DNM2: variants seen among roughly 807,000 people sequenced by gnomAD.
DNM2 encodes the protein dynamin 2.
DNM2 carries 15 observed loss-of-function variants against 99.0 expected under a neutral mutation model. The observed-to-expected ratio is 0.15, with a 90% CI of 0.10 to 0.23. The LOEUF (loss-of-function observed/expected upper bound fraction) is 0.23. Among genes scored for constraint, DNM2 ranks in the 10% least tolerant of loss-of-function variants. The pLI, the probability that DNM2 is intolerant of heterozygous loss-of-function variation, is 1.00. For synonymous variants in DNM2, 525 were observed against 481.2 expected (o/e 1.09, Z -1.19); for missense variants, 742 against 1,189.4 (o/e 0.62, Z 5.53).
chr19:10,780,577 GC>G (rs2071335505), intron 5 of DNM2, among the ~76,000 whole-genome samples: 1 of 152,132 alleles, frequency 6.6e-6, no homozygotes, highest in South Asian at 2.1e-4. Flanking sequence ...GGCTTCAGAA[GC>G]CCTCCCACTG....
rs1012866507 is a variant in DNM2, at chr19:10,822,686, A to G, written c.1782-1102A>G. ...GCTAATTTTTTGTATTTTAGTATTG[A>G]CGGGGTTTCACCATGTTGGCCAGGC... On this transcript the variant is annotated intron_variant, in intron 16 of 20. Coordinates refer to ENST00000389253, the MANE Select transcript of DNM2 (RefSeq NM_001005361.3). Among the ~76,000 whole-genome samples the G allele has an allele frequency of 3.3e-5, 5 of 150,922 alleles. No homozygotes were observed. In the East Asian group the frequency reaches 1.0e-3, roughly 30 times the overall value.
intron 12 of DNM2, chr19:10,802,647 G>A: frequency 2.1e-6 from 1 of 487,070 alleles, no homozygotes; most frequent in Non-Finnish European, 3.8e-6. Flanking sequence ...GCCAGCTGCT[G>A]CACCCCCTCT....
At chr19:10,819,839 G>A (rs2072914681) in intron 15 of DNM2, 141 bp from the exon 16 acceptor site, 8 of 775,352 alleles carry the variant, frequency 1.0e-5, no homozygotes, top group Admixed American at 3.7e-5. Flanking sequence ...GGGAAGGGCC[G>A]GCAGATGGGC....
intron 15 of DNM2, among the ~76,000 whole-genome samples, chr19:10,814,270 G>A (rs1180583569): frequency 6.6e-6 from 1 of 152,154 alleles, no homozygotes; most frequent in Non-Finnish European, 1.5e-5. Context: ...TTCGAGACCA[G>A]CCTGACCAAC....
intron 1 of DNM2, among the ~76,000 whole-genome samples, chr19:10,745,646 A>G (rs2069939700): frequency 6.6e-6 from 1 of 152,208 alleles, no homozygotes. Context: ...GCAGTCAGCT[A>G]TGATTGCATC....
Position 10,729,699 on chromosome 19 carries a change from A to G in DNM2, c.161+11296A>G, listed in dbSNP as rs191706262. Among the ~76,000 whole-genome samples, 131 of 152,036 alleles carry G rather than the reference A, an allele frequency of 8.6e-4. 2 individuals are homozygous for G. Among genetic ancestry groups the G allele is most frequent in the Non-Finnish European group, 2.6e-4 (18 of 67,974 alleles). On this transcript the variant is annotated intron_variant, in intron 1 of 20. Coordinates refer to ENST00000389253, the MANE Select transcript of DNM2 (RefSeq NM_001005361.3). ...AGACAGTGTTCTTGGAAAAAGGGAA[A>G]CCATTACAGATGAGGAAGAGCACAC...
At chr19:10,743,250 C>A (rs1192280566) in intron 1 of DNM2, among the ~76,000 whole-genome samples, 2 of 152,020 alleles carry the variant, frequency 1.3e-5, no homozygotes, top group Admixed American at 1.3e-4. Flanking sequence ...TTGCTGAACA[C>A]CTGCTGTGTG....
chr19:10,819,706 G>A (rs2072907696), intron 15 of DNM2, among the ~76,000 whole-genome samples: 1 of 152,170 alleles, frequency 6.6e-6, no homozygotes, highest in Non-Finnish European at 1.5e-5. Context: ...GGGCAGGAGG[G>A]AGCCATGCAA....
At chr19:10,778,729 T>A (rs1414602116) in intron 5 of DNM2, among the ~76,000 whole-genome samples, 1 of 152,028 alleles carries the variant, frequency 6.6e-6, no homozygotes, top group Non-Finnish European at 1.5e-5. Flanking sequence ...TTCAAATACT[T>A]CCCCTTGCCA....
chr19:10,732,824 T>G (rs1020271295), intron 1 of DNM2, among the ~76,000 whole-genome samples: 11 of 152,022 alleles, frequency 7.2e-5, no homozygotes, highest in African/African-American at 2.4e-4. Context: ...AGAATGTGAC[T>G]GTCTTGCACC....
chr19:10,806,722 G>A (rs1438279091), intron 13 of DNM2, among the ~76,000 whole-genome samples: 5 of 152,190 alleles, frequency 3.3e-5, no homozygotes, highest in Admixed American at 3.3e-4. Flanking sequence ...GAACCTTGGA[G>A]GCGGAGGTTG....
Position 10,718,546 on chromosome 19 carries a change from G to A in DNM2, c.161+143G>A, listed in dbSNP as rs1298237250. On this transcript the variant is annotated intron_variant, in intron 1 of 20. Transcript: ENST00000389253. ...GAACCGGACGGGGTCGGGGAGGCGG[G>A]CCCTGTGGGACGCCCTGGGCAGAGG... 8.5e-6 allele frequency: 10 copies of A among 1,179,738 alleles called. No homozygotes were observed. The South Asian group carries it at 1.7e-4, about 20-fold the overall frequency. The allele number at this position is 1,179,738 out of a possible 1,614,324, so 73.1% of individuals were successfully genotyped here.
At chr19:10,745,390 T>G (rs1480668114) in intron 1 of DNM2, among the ~76,000 whole-genome samples, 5 of 152,202 alleles carry the variant, frequency 3.3e-5, no homozygotes, top group Admixed American at 3.3e-4. Flanking sequence ...GAAAGGGCGC[T>G]TAAGACCCCT....
Position 10,799,063 on chromosome 19 carries a change from G to A in DNM2, c.1422+491G>A, listed in dbSNP as rs139049707. ...CAACATAGCAAGACCTTGTCTCTAC[G>A]AAAACATAAAAAAATTAGCCAGGCG... On this transcript the variant is annotated intron_variant, in intron 11 of 20. Coordinates refer to ENST00000389253, the MANE Select transcript of DNM2 (RefSeq NM_001005361.3). 4.4e-4 allele frequency among the ~76,000 whole-genome samples: 67 copies of A among 152,190 alleles called. 2 individuals are homozygous for A. The East Asian group carries it at 0.012, about 27-fold the overall frequency.
At chr19:10,826,157 C>A (rs1490643514) in intron 18 of DNM2, among the ~76,000 whole-genome samples, 1 of 152,186 alleles carries the variant, frequency 6.6e-6, no homozygotes, top group Non-Finnish European at 1.5e-5. Flanking sequence ...CCCATCAAGT[C>A]CACTAACTGG....
intron 19 of DNM2, 84 bp downstream of exon 19, chr19:10,829,352 G>A: frequency 2.6e-6 from 4 of 1,520,994 alleles, no homozygotes; most frequent in Non-Finnish European, 3.6e-6. Flanking sequence ...GTCCTGGCAG[G>A]AAACAGGACA....
intron 11 of DNM2, 54 bp from the exon 12 acceptor site, chr19:10,802,234 C>T (rs2072176691): frequency 5.7e-6 from 9 of 1,581,586 alleles, no homozygotes; most frequent in Non-Finnish European, 6.1e-6. Context: ...CTTGCCGCTG[C>T]CCCCCCTTGC....
At chr19:10,809,278 C>G (rs544305505) in intron 14 of DNM2, 1 of 152,428 alleles carries the variant, frequency 6.6e-6, no homozygotes, top group South Asian at 2.1e-4. Context: ...TAGATGCTGC[C>G]TCTTGTCCTC....
rs1034473383 is a variant in DNM2, at chr19:10,816,113, G to A, written c.1671+3736G>A. Among the ~76,000 whole-genome samples, 1 of 152,076 alleles carries A rather than the reference G, an allele frequency of 6.6e-6. No individual in the cohort carries two copies. The highest frequency in any genetic ancestry group is 1.5e-5 in the Non-Finnish European group (1 of 67,978). On this transcript the variant is annotated intron_variant, in intron 15 of 20. Coordinates refer to ENST00000389253, the MANE Select transcript of DNM2 (RefSeq NM_001005361.3). This position sits in a 1 kb window ranked among gnomAD's most constrained non-coding sequence, Gnocchi z 4.6. ...GGTGACTTGCCCCACATCATGGAGCGGGGGAGGGTCCCCCTGGGGTGGAGG... is the reference window on the plus strand; with the variant it reads ...GGTGACTTGCCCCACATCATGGAGCAGGGGAGGGTCCCCCTGGGGTGGAGG...
Sources: allele counts gnomAD v4.1 joint callset (sites outside exome capture counted in the v4.1 genomes callset), GRCh38; gene constraint gnomAD v4.1.1; non-coding constraint Gnocchi (gnomAD v3.1); transcripts MANE v1.5; gene names NCBI Gene and HGNC (gene_info 2026-07-23, HGNC 2026-07-21).